Variants in ZMAT4 observed in about 807,000 individuals in gnomAD.
ZMAT4 encodes the protein zinc finger matrin-type 4.
A neutral mutation model predicts 28.7 loss-of-function variants in ZMAT4; 17 were observed. The observed-to-expected ratio is 0.59, with a 90% CI of 0.41 to 0.89. The LOEUF (loss-of-function observed/expected upper bound fraction) is 0.89. ZMAT4 is among the 40% of genes least tolerant of loss of function. ZMAT4 has a pLI of 0.00. For synonymous variants in ZMAT4, 117 were observed against 109.2 expected (o/e 1.07, Z -0.44); for missense variants, 240 against 283.8 (o/e 0.85, Z 1.11).
intron 5 of ZMAT4, among the ~76,000 whole-genome samples, chr8:40,597,936 G>A (rs1232464937): frequency 1.3e-5 from 2 of 152,138 alleles, no homozygotes; most frequent in African/African-American, 4.8e-5. Flanking sequence ...GCTTATGGAT[G>A]AGAGAGGAAC....
At chr8:40,837,476 C>T (rs1485436700) in intron 1 of ZMAT4, among the ~76,000 whole-genome samples, 2 of 152,212 alleles carry the variant, frequency 1.3e-5, no homozygotes, top group Non-Finnish European at 2.9e-5. Flanking sequence ...TTAACTAACT[C>T]TACTTGAACC....
chr8:40,744,725 C>T (rs977687445), intron 3 of ZMAT4, among the ~76,000 whole-genome samples: 1 of 152,164 alleles, frequency 6.6e-6, no homozygotes, highest in African/African-American at 2.4e-5. Flanking sequence ...GATAGACCCC[C>T]ACCTTCGGCT....
At chr8:40,619,713 T>G (rs1217677315) in intron 5 of ZMAT4, among the ~76,000 whole-genome samples, 1 of 152,198 alleles carries the variant, frequency 6.6e-6, no homozygotes, top group African/African-American at 2.4e-5. Flanking sequence ...CAATTGTATT[T>G]CATCATTTCT....
At chr8:40,696,636 G>T (rs1012633852) in intron 4 of ZMAT4, among the ~76,000 whole-genome samples, 1 of 152,032 alleles carries the variant, frequency 6.6e-6, no homozygotes, top group African/African-American at 2.4e-5. Context: ...AATATTTAAG[G>T]TTTTACTTGT....
chr8:40,881,730 T>C (rs1533178), intron 1 of ZMAT4, among the ~76,000 whole-genome samples: 14,623 of 151,640 alleles, frequency 0.096, 761 homozygotes, highest in Admixed American at 0.13. Flanking sequence ...CCAAAGCCCA[T>C]GGTATCAGAA....
chr8:40,875,910 G>A (rs942921827), intron 1 of ZMAT4, among the ~76,000 whole-genome samples: 2 of 152,188 alleles, frequency 1.3e-5, no homozygotes, highest in Non-Finnish European at 2.9e-5. Context: ...CAAGTGATGT[G>A]GGAATGGGAA....
intron 4 of ZMAT4, among the ~76,000 whole-genome samples, chr8:40,694,176 C>G (rs1809775833): frequency 1.3e-5 from 2 of 152,152 alleles, no homozygotes; most frequent in African/African-American, 2.4e-5. Context: ...AGGTGAAGCC[C>G]TGGAGAAGCT....
chr8:40,535,498 G>T (rs1295825394), intron 6 of ZMAT4, among the ~76,000 whole-genome samples: 3 of 151,974 alleles, frequency 2.0e-5, no homozygotes, highest in African/African-American at 7.3e-5. Flanking sequence ...GTGAAACCCT[G>T]TCTCTACTAA....
intron 4 of ZMAT4, among the ~76,000 whole-genome samples, chr8:40,685,527 A>T (rs1289987012): frequency 6.6e-6 from 1 of 152,196 alleles, no homozygotes; most frequent in Non-Finnish European, 1.5e-5. Context: ...CTTGGTCAAA[A>T]ATTGCATACT....
intron 2 of ZMAT4, among the ~76,000 whole-genome samples, chr8:40,799,654 G>A (rs1188889831): frequency 1.3e-5 from 2 of 152,144 alleles, no homozygotes; most frequent in Admixed American, 6.5e-5. Flanking sequence ...GAAGAGCATG[G>A]TTGAGGGTAA....
chr8:40,558,256 G>A (rs1803612034), intron 6 of ZMAT4, among the ~76,000 whole-genome samples: 1 of 152,136 alleles, frequency 6.6e-6, no homozygotes, highest in Non-Finnish European at 1.5e-5. Context: ...ACAATGGGAA[G>A]CTGTCAGTGG....
intron 5 of ZMAT4, among the ~76,000 whole-genome samples, chr8:40,620,144 T>C (rs1806144513): frequency 6.6e-6 from 1 of 152,156 alleles, no homozygotes; most frequent in South Asian, 2.1e-4. Context: ...GTATCTCAGC[T>C]TACTTAGGAA....
chr8:40,733,238 G>A (rs1490418875), intron 3 of ZMAT4, among the ~76,000 whole-genome samples: 1 of 152,070 alleles, frequency 6.6e-6, no homozygotes, highest in Non-Finnish European at 1.5e-5. Flanking sequence ...AATTATCGCA[G>A]GGGGTTCAGT....
At chr8:40,558,547 A>G (rs1803622975) in intron 6 of ZMAT4, among the ~76,000 whole-genome samples, 1 of 152,096 alleles carries the variant, frequency 6.6e-6, no homozygotes, top group African/African-American at 2.4e-5. Flanking sequence ...CATTATCTTC[A>G]AGATTTCTGC....
chr8:40,556,451 A>T (rs1385825148), intron 6 of ZMAT4, among the ~76,000 whole-genome samples: 2 of 152,116 alleles, frequency 1.3e-5, no homozygotes, highest in Non-Finnish European at 2.9e-5. Flanking sequence ...TGTTTTATAC[A>T]ACTGTCTTTT....
chr8:40,771,773 G>A lies in ZMAT4; in HGVS notation c.103-4043C>T, dbSNP rs534141154. Among the ~76,000 whole-genome samples, 11 of 152,278 alleles carry A rather than the reference G, an allele frequency of 7.2e-5. No homozygotes were observed. In the South Asian group the frequency reaches 2.1e-3, roughly 29 times the overall value. On this transcript the variant is annotated intron_variant, in intron 2 of 6. Transcript: ENST00000297737. ...TAAATAGAGACTAGAGGATGGGTAG[G>A]CCTAAGCTATACGCACAACTACACT...
At chr8:40,834,475 C>T (rs1816405286) in intron 1 of ZMAT4, among the ~76,000 whole-genome samples, 1 of 152,154 alleles carries the variant, frequency 6.6e-6, no homozygotes, top group Non-Finnish European at 1.5e-5. Context: ...CAAATGGCCT[C>T]TGCTTAAGTC....
At chr8:40,797,763 A>G (rs1348798571) in intron 2 of ZMAT4, among the ~76,000 whole-genome samples, 1 of 152,214 alleles carries the variant, frequency 6.6e-6, no homozygotes, top group Non-Finnish European at 1.5e-5. Context: ...CAGTAAGCTT[A>G]TCAGGCAGGG....
At chr8:40,563,458 A>G (rs956109129) in intron 6 of ZMAT4, among the ~76,000 whole-genome samples, 2 of 152,150 alleles carry the variant, frequency 1.3e-5, no homozygotes, top group Admixed American at 1.3e-4. Flanking sequence ...CACAGAGCAG[A>G]ACTGAATCTC....
Sources: allele counts gnomAD v4.1 joint callset (sites outside exome capture counted in the v4.1 genomes callset), GRCh38; gene constraint gnomAD v4.1.1; transcripts MANE v1.5; gene names NCBI Gene and HGNC (gene_info 2026-07-23, HGNC 2026-07-21).